The following HRH2 variants were observed in gnomAD, a reference collection of about 807,000 sequenced individuals.
The protein encoded by HRH2 is histamine receptor H2.
In HRH2, 4 loss-of-function variants were observed where a neutral mutation model predicts 20.1. The observed-to-expected ratio is 0.20, with a 90% CI of 0.10 to 0.45. HRH2 has a LOEUF of 0.45. HRH2 is among the 20% of genes least tolerant of loss of function. The probability of loss-of-function intolerance (pLI) is 0.99; values close to 1 mark genes in which losing one functional copy is unlikely to be tolerated. For missense variants in HRH2, 250 were observed against 461.6 expected (o/e 0.54, Z 4.20); for synonymous variants, 197 against 200.7 (o/e 0.98, Z 0.16).
rs1280922947 is a variant in HRH2 at position 175,677,587 on chromosome 5, G to C, written c.-525-5122G>C. On this transcript the variant is annotated intron_variant, in intron 1 of 2. Transcript: ENST00000636584. This position sits in a 1 kb window ranked among gnomAD's most constrained non-coding sequence, Gnocchi z 4.2. ...CCTTGCAACACTAAAATAACTCCCT[G>C]CTTCCTTGCAACCCCAAAATAACCC... Among the ~76,000 whole-genome samples the C allele has an allele frequency of 2.0e-5, 3 of 152,148 alleles. No individual in the cohort carries two copies. The highest frequency in any genetic ancestry group is 7.2e-5 in the African/African-American group (3 of 41,420).
intron 2 of HRH2, chr5:175,685,632 A>G (rs902821051): frequency 1.5e-6 from 1 of 679,190 alleles, no homozygotes; most frequent in African/African-American, 1.8e-5. Context: ...CTCAACTTGT[A>G]TCTTGAGCAA....
rs74825180 is a variant in HRH2 at position 175,685,617 on chromosome 5, C to T, written c.1076+1308C>T. 4.6e-3 allele frequency: 3,295 copies of T among 722,076 alleles called. 78 individuals carry two copies. The African/African-American group carries it at 0.052, about 11-fold the overall frequency. The allele number at this position is 722,076 out of a possible 1,614,324, so 44.7% of individuals were successfully genotyped here. A position where few individuals can be genotyped will look rare whatever the true frequency, so the allele number is the denominator to read the frequency against. ...GGCACAGCCCTGGTCTCAGCTCTGC[C>T]GTCACTCAACTTGTATCTTGAGCAA... On this transcript the variant is annotated intron_variant, in intron 2 of 2. Transcript: ENST00000636584.
intron 1 of HRH2, among the ~76,000 whole-genome samples, chr5:175,671,927 G>T (rs1366227220): frequency 6.6e-6 from 1 of 151,960 alleles, no homozygotes; most frequent in African/African-American, 2.4e-5. Context: ...GATGGAGGTG[G>T]GCAAGGAGAG....
At chr5:175,678,563 G>A (rs991822990) in intron 1 of HRH2, among the ~76,000 whole-genome samples, 2 of 152,220 alleles carry the variant, frequency 1.3e-5, no homozygotes, top group Non-Finnish European at 1.5e-5. Context: ...TCAGCCCGGC[G>A]GCTCCCCTTG....
At chr5:175,685,568 GTGA>G (rs963587410) in intron 2 of HRH2, 35 of 1,211,748 alleles carry the variant, frequency 2.9e-5, no homozygotes, top group Non-Finnish European at 4.2e-5. Context: ...TGGGTTTATG[GTGA>G]TGAAGTTACA....
chr5:175,678,383 C>T (rs748773773), intron 1 of HRH2, among the ~76,000 whole-genome samples: 12 of 152,244 alleles, frequency 7.9e-5, no homozygotes, highest in Non-Finnish European at 1.5e-4. Flanking sequence ...CCCTTTACTG[C>T]CTTCATTTCA....
intron 1 of HRH2, among the ~76,000 whole-genome samples, chr5:175,668,720 C>A (rs35178029): frequency 0.11 from 16,872 of 152,076 alleles, 1,243 homozygotes; most frequent in South Asian, 0.21. Flanking sequence ...TCCAGCCATT[C>A]TGCAGGCTGT....
intron 1 of HRH2, among the ~76,000 whole-genome samples, chr5:175,673,445 C>T (rs902620357): frequency 1.3e-5 from 2 of 152,090 alleles, no homozygotes; most frequent in Non-Finnish European, 2.9e-5. Flanking sequence ...GATTTATATC[C>T]ACTTTGTGCC....
In HRH2 at chr5:175,677,717, A is replaced by G. The variant is rs1024371072; in HGVS notation, c.-525-4992A>G. Among the ~76,000 whole-genome samples the G allele has an allele frequency of 5.9e-5, 9 of 152,320 alleles. No individual in the cohort carries two copies. In the South Asian group the frequency reaches 1.9e-3, roughly 32 times the overall value. ...TTTGAAGTGGTCGATGACAGGGGAAAAGTTCTGAGAACGAATAGCTCATGA... is the reference window on the plus strand; with the variant it reads ...TTTGAAGTGGTCGATGACAGGGGAAGAGTTCTGAGAACGAATAGCTCATGA... On this transcript the variant is annotated intron_variant, in intron 1 of 2. Coordinates refer to ENST00000636584, the MANE Select transcript of HRH2 (RefSeq NM_001367711.1). This position sits in a 1 kb window ranked among gnomAD's most constrained non-coding sequence, Gnocchi z 4.2.
intron 2 of HRH2, among the ~76,000 whole-genome samples, chr5:175,707,386 C>T (rs943861810): frequency 3.3e-5 from 5 of 152,202 alleles, no homozygotes; most frequent in Non-Finnish European, 5.9e-5. Flanking sequence ...GCTATGATCA[C>T]GCCACTGCCC....
At chr5:175,695,745 C>T (rs142973796) in intron 2 of HRH2, among the ~76,000 whole-genome samples, 1 of 152,330 alleles carries the variant, frequency 6.6e-6, no homozygotes, top group Non-Finnish European at 1.5e-5. Flanking sequence ...CAAACTAAGG[C>T]AGAGGGTGTA....
At chr5:175,705,401 T>C (rs978548832) in intron 2 of HRH2, among the ~76,000 whole-genome samples, 3 of 152,196 alleles carry the variant, frequency 2.0e-5, no homozygotes, top group Non-Finnish European at 2.9e-5. Context: ...TTTCTTGTAA[T>C]GGTAAAAAAC....
chr5:175,708,223 C>T lies in HRH2; in HGVS notation c.*252C>T, dbSNP rs535657712. ...CTGAATCCCATGGGTTCAAAGCTCA[C>T]GTTGGTGCTGGCCCTGGGAGTCATG... On this transcript the variant is annotated 3_prime_UTR_variant, in exon 3 of 3. Coordinates refer to ENST00000636584, the MANE Select transcript of HRH2 (RefSeq NM_001367711.1). 12 of 346,458 alleles carry T rather than the reference C, an allele frequency of 3.5e-5. No individual in the cohort carries two copies. The highest frequency in any genetic ancestry group is 1.5e-4 in the South Asian group (1 of 6,534). 21.5% of individuals were successfully genotyped at this position (346,458 alleles called of 1,614,324 possible).
chr5:175,659,877 T>TGGAA (rs529298482), intron 1 of HRH2, among the ~76,000 whole-genome samples: 1 of 152,166 alleles, frequency 6.6e-6, no homozygotes, highest in Non-Finnish European at 1.5e-5. Context: ...TCTAAGGGTC[T>TGGAA]GGAAGGAAGG....
chr5:175,685,605 T>C, intron 2 of HRH2: 3 of 798,114 alleles, frequency 3.8e-6, no homozygotes, highest in Non-Finnish European at 4.2e-6. Context: ...ACAGCCCTGG[T>C]CTCAGCTCTG....
At chr5:175,673,290 G>C (rs1755629230) in intron 1 of HRH2, among the ~76,000 whole-genome samples, 1 of 152,110 alleles carries the variant, frequency 6.6e-6, no homozygotes, top group Non-Finnish European at 1.5e-5. Context: ...AGGGTTTGCT[G>C]ATGGGTTGGA....
At chr5:175,668,405 G>A (rs1381738698) in intron 1 of HRH2, among the ~76,000 whole-genome samples, 3 of 151,154 alleles carry the variant, frequency 2.0e-5, no homozygotes, top group East Asian at 3.9e-4. Flanking sequence ...TTGCTCGCAG[G>A]GTGGGGGTGC....
rs1012637347 is a variant in HRH2, at chr5:175,708,159, C to A, written c.*188C>A. The A allele has an allele frequency of 1.3e-5, 5 of 391,712 alleles. No individual in the cohort carries two copies. The highest frequency in any genetic ancestry group is 2.2e-5 in the Non-Finnish European group (5 of 222,238). 24.3% of individuals were successfully genotyped at this position (391,712 alleles called of 1,614,324 possible). ...AACAGCCTATTCTGTGCTCAGCATT[C>A]CCAGACAGGCACGCAAGACTCCTCT... On this transcript the variant is annotated 3_prime_UTR_variant, in exon 3 of 3. Transcript: ENST00000636584.
chr5:175,697,501 C>T (rs1455959653), intron 2 of HRH2, among the ~76,000 whole-genome samples: 4 of 151,156 alleles, frequency 2.6e-5, no homozygotes, highest in Non-Finnish European at 5.9e-5. Context: ...ATGAAAATTG[C>T]CCAGACCCAC....
Sources: gnomAD v4.1 joint callset for allele counts (sites outside exome capture counted in the v4.1 genomes callset) on GRCh38, gnomAD v4.1.1 for gene constraint, Gnocchi (gnomAD v3.1) non-coding constraint, MANE v1.5 for transcripts, NCBI Gene and HGNC (gene_info 2026-07-23, HGNC 2026-07-21) for gene names.